Variants in DIAPH3 observed in about 807,000 individuals in gnomAD.
DIAPH3 encodes protein diaphanous homolog 3.
DIAPH3 carries 117 observed loss-of-function variants against 144.3 expected under a neutral mutation model. The ratio of observed to expected loss-of-function variants is 0.81; its 90% confidence interval spans 0.70 to 0.95. The LOEUF is 0.95. Ranked by LOEUF, DIAPH3 falls within the 40% of genes least tolerant of loss-of-function variation. DIAPH3 has a pLI of 0.00. For missense variants in DIAPH3, 1,421 were observed against 1,412.7 expected, an observed-to-expected ratio of 1.01 and a Z score of -0.09; for synonymous variants, 519 against 488.9, an observed-to-expected ratio of 1.06 and a Z score of -0.81.
chr13:59,983,659 C>T, intron 13 of DIAPH3, 110 bp downstream of exon 13: 1 of 722,736 alleles, frequency 1.4e-6, no homozygotes. Context: ...ACAGTTTTGA[C>T]AATTAGGGCC....
At chr13:59,918,208 GA>G (rs571397429) in intron 18 of DIAPH3, among the ~76,000 whole-genome samples, 303 of 95,028 alleles carry the variant, frequency 3.2e-3, no homozygotes, top group Non-Finnish European at 4.7e-3. Flanking sequence ...GGCAGCACAG[GA>G]AAAAAAAAAA....
intron 9 of DIAPH3, among the ~76,000 whole-genome samples, chr13:60,003,686 G>T (rs1247644970): frequency 6.6e-6 from 1 of 151,932 alleles, no homozygotes; most frequent in Non-Finnish European, 1.5e-5. Flanking sequence ...CCATTCTCCT[G>T]CCTCAGCCTC....
intron 12 of DIAPH3, among the ~76,000 whole-genome samples, chr13:59,990,070 A>G (rs1297506159): frequency 6.6e-6 from 1 of 151,906 alleles, no homozygotes; most frequent in African/African-American, 2.4e-5. Context: ...GCAATTCTTA[A>G]TCTAGCATTT....
At chr13:60,091,596 A>C (rs769475721) in intron 4 of DIAPH3, among the ~76,000 whole-genome samples, 1 of 152,030 alleles carries the variant, frequency 6.6e-6, no homozygotes, top group Non-Finnish European at 1.5e-5. Flanking sequence ...CCTTATAGAC[A>C]CTTAAAAAAC....
intron 18 of DIAPH3, among the ~76,000 whole-genome samples, chr13:59,924,573 T>A (rs1309534704): frequency 6.6e-6 from 1 of 151,994 alleles, no homozygotes; most frequent in Non-Finnish European, 1.5e-5. Context: ...AAACCTCTTC[T>A]TATTTGTATT....
At chr13:60,132,759 T>C (rs1330190956) in intron 2 of DIAPH3, among the ~76,000 whole-genome samples, 198 bp downstream of exon 2, 1 of 152,108 alleles carries the variant, frequency 6.6e-6, no homozygotes, top group East Asian at 1.9e-4. Flanking sequence ...AATTAACATA[T>C]CCACCATTCA....
intron 24 of DIAPH3, among the ~76,000 whole-genome samples, chr13:59,828,377 C>A (rs1001510267): frequency 6.6e-6 from 1 of 151,846 alleles, no homozygotes; most frequent in African/African-American, 2.4e-5. Flanking sequence ...AATTATTATA[C>A]CCAAGGAGTA....
Position 60,093,810 on chromosome 13 carries a change from T to C in DIAPH3, c.391-78A>G, listed in dbSNP as rs2058027366. 6 of 939,116 alleles carry C rather than the reference T, an allele frequency of 6.4e-6. No individual in the cohort carries two copies. The South Asian group carries it at 6.6e-5, about 10-fold the overall frequency. The allele number at this position is 939,116 out of a possible 1,614,324, so 58.2% of individuals were successfully genotyped here. On this transcript the variant is annotated intron_variant, in intron 3 of 27. Transcript: ENST00000400324. ...TCTACATGCACTACAAATGGAAAAA[T>C]CAATAATTTGTGACTAAAGCAGCAT...
chr13:60,105,115 A>AAAAAAAAC lies in DIAPH3; in HGVS notation c.390+6894_390+6895insGTTTTTTT, dbSNP rs1391118206. On this transcript the variant is annotated intron_variant, in intron 3 of 27. Coordinates refer to ENST00000400324, the MANE Select transcript of DIAPH3 (RefSeq NM_001042517.2). ...ACACGATCTCAAAAAAAAAAAAAAA[A>AAAAAAAAC]AAAAAAAAAACTGCCAGTGATGAAA... Among the ~76,000 whole-genome samples, 233 of 150,942 alleles carry AAAAAAAAC rather than the reference A, an allele frequency of 1.5e-3. 5 individuals are homozygous for AAAAAAAAC. Among genetic ancestry groups the AAAAAAAAC allele is most frequent in the African/African-American group, 5.3e-3 (218 of 41,186 alleles).
At chr13:59,990,212 C>T (rs565736508) in intron 12 of DIAPH3, among the ~76,000 whole-genome samples, 1 of 151,796 alleles carries the variant, frequency 6.6e-6, no homozygotes, top group South Asian at 2.1e-4. Flanking sequence ...AATTTTGATG[C>T]ATGTCCTATC....
At chr13:59,802,698 A>G (rs192576244) in intron 25 of DIAPH3, among the ~76,000 whole-genome samples, 2,598 of 31,100 alleles carry the variant, frequency 0.084, 54 homozygotes, top group Non-Finnish European at 0.091. Context: ...TTTTTGAGAC[A>G]GAGTCTCGCT....
chr13:59,858,997 T>C (rs926430099), intron 22 of DIAPH3, among the ~76,000 whole-genome samples: 1 of 152,148 alleles, frequency 6.6e-6, no homozygotes, highest in Non-Finnish European at 1.5e-5. Context: ...ATGTGATAGC[T>C]CACTGAGGAG....
chr13:59,945,166 C>G (rs1194156390), intron 17 of DIAPH3, among the ~76,000 whole-genome samples: 1 of 152,088 alleles, frequency 6.6e-6, no homozygotes. Flanking sequence ...ATCTCCTGCC[C>G]TTGTCTCCAG....
intron 2 of DIAPH3, among the ~76,000 whole-genome samples, chr13:60,121,318 C>T (rs1481411056): frequency 6.6e-6 from 1 of 151,900 alleles, no homozygotes; most frequent in Non-Finnish European, 1.5e-5. Flanking sequence ...ATTTTTTCTT[C>T]AAGGACACCA....
intron 27 of DIAPH3, among the ~76,000 whole-genome samples, chr13:59,738,705 T>A (rs2036286744): frequency 6.6e-6 from 1 of 152,228 alleles, no homozygotes; most frequent in Non-Finnish European, 1.5e-5. Context: ...AAAAATCTAC[T>A]CCTTCACATA....
intron 27 of DIAPH3, among the ~76,000 whole-genome samples, chr13:59,706,011 T>C (rs191216542): frequency 2.8e-4 from 43 of 151,916 alleles, no homozygotes; most frequent in African/African-American, 8.0e-4. Flanking sequence ...CCATGGGGGA[T>C]TGTTCTAGGA....
chr13:59,737,128 C>T lies in DIAPH3; in HGVS notation c.3319+37061G>A, dbSNP rs137991331. On this transcript the variant is annotated intron_variant, in intron 27 of 27. Coordinates refer to ENST00000400324, the MANE Select transcript of DIAPH3 (RefSeq NM_001042517.2). ...ATGACGAAGGTGCCAAAAGCAACTG[C>T]AACAAAAACAATTGACAAATGGAAT... is the stretch of plus-strand genomic sequence containing the variant. 2.7e-3 allele frequency among the ~76,000 whole-genome samples: 406 copies of T among 152,206 alleles called. 3 individuals carry two copies. Among genetic ancestry groups the T allele is most frequent in the African/African-American group, 9.3e-3 (386 of 41,524 alleles).
At chr13:60,150,684 A>T (rs1951739896) in intron 1 of DIAPH3, among the ~76,000 whole-genome samples, 1 of 152,240 alleles carries the variant, frequency 6.6e-6, no homozygotes, top group Non-Finnish European at 1.5e-5. Context: ...GCATCAGTTC[A>T]CAAAGCTGGG....
chr13:59,892,492 A>G (rs2045865850), intron 20 of DIAPH3, among the ~76,000 whole-genome samples: 2 of 152,122 alleles, frequency 1.3e-5, no homozygotes, highest in South Asian at 4.1e-4. Flanking sequence ...TTCAGATAGA[A>G]GTCTAGATTT....
Sources: allele counts gnomAD v4.1 joint callset (sites outside exome capture counted in the v4.1 genomes callset), GRCh38; gene constraint gnomAD v4.1.1; transcripts MANE v1.5; gene names NCBI Gene and HGNC (gene_info 2026-07-23, HGNC 2026-07-21).